Variants in SLC20A2 observed in about 807,000 individuals in gnomAD.
The protein encoded by SLC20A2 is solute carrier family 20 member 2, also known as sodium-dependent phosphate transporter 2.
Under a neutral mutation model 61.0 loss-of-function variants are expected in SLC20A2, and 30 were observed. The observed-to-expected ratio is 0.49, with a 90% CI of 0.37 to 0.67. The LOEUF (loss-of-function observed/expected upper bound fraction) is 0.67, where lower values mean the gene tolerates loss of function less well. SLC20A2 is among the 30% of genes least tolerant of loss of function. The pLI, the probability that SLC20A2 is intolerant of heterozygous loss-of-function variation, is 0.00. For synonymous variants in SLC20A2, 351 were observed against 353.3 expected, an observed-to-expected ratio of 0.99 and a Z score of 0.07; for missense variants, 626 against 866.4, an observed-to-expected ratio of 0.72 and a Z score of 3.48.
chr8:42,534,584 T>C (rs980829549), intron 1 of SLC20A2: 6 of 152,200 alleles, frequency 3.9e-5, no homozygotes, highest in African/African-American at 9.7e-5. Flanking sequence ...TAGGGTAGAA[T>C]GCAACTATAC....
At chr8:42,466,059 T>A in intron 2 of SLC20A2, 142 bp from the exon 3 acceptor site, 1 of 726,004 alleles carries the variant, frequency 1.4e-6, no homozygotes, top group Non-Finnish European at 2.1e-6. Context: ...CGCTACAGCC[T>A]GGACAAAAAT....
chr8:42,439,963 T>C (rs1804642068), intron 6 of SLC20A2, among the ~76,000 whole-genome samples: 1 of 151,450 alleles, frequency 6.6e-6, no homozygotes, highest in African/African-American at 2.4e-5. Context: ...CAGGCGCCTG[T>C]AATTCCAACT....
intron 1 of SLC20A2, among the ~76,000 whole-genome samples, chr8:42,499,457 A>G (rs970390070): frequency 1.3e-5 from 2 of 152,150 alleles, no homozygotes; most frequent in African/African-American, 4.8e-5. Flanking sequence ...AACACTCCTC[A>G]AGTGTTTATG....
intron 1 of SLC20A2, among the ~76,000 whole-genome samples, chr8:42,512,860 T>G (rs1811107227): frequency 6.6e-6 from 1 of 152,220 alleles, no homozygotes; most frequent in African/African-American, 2.4e-5. Flanking sequence ...AACATCAGAT[T>G]AGTAGTCACT....
intron 1 of SLC20A2, among the ~76,000 whole-genome samples, chr8:42,488,378 C>T (rs1046660978): frequency 3.3e-5 from 5 of 151,564 alleles, no homozygotes; most frequent in African/African-American, 7.3e-5. Context: ...TTAGTAGAGA[C>T]GGGGTTTCAG....
At chr8:42,422,348 C>CAGGCACG (rs1383723193) in intron 10 of SLC20A2, among the ~76,000 whole-genome samples, 14 of 152,206 alleles carry the variant, frequency 9.2e-5, no homozygotes, top group Non-Finnish European at 1.5e-4. Flanking sequence ...CCACCATGCC[C>CAGGCACG]AGCCAAATAT....
At chr8:42,477,467 T>C (rs1374390049) in intron 1 of SLC20A2, among the ~76,000 whole-genome samples, 5 of 136,740 alleles carry the variant, frequency 3.7e-5, no homozygotes, top group Non-Finnish European at 6.3e-5. Flanking sequence ...ACAGGGACTT[T>C]TTTTTTTTTT....
chr8:42,531,867 G>A (rs1812347355), intron 1 of SLC20A2, among the ~76,000 whole-genome samples: 1 of 150,086 alleles, frequency 6.7e-6, no homozygotes, highest in Non-Finnish European at 1.5e-5. Context: ...CACCCAGGCT[G>A]GAGTGCAGTG....
At chr8:42,491,670 CA>C (rs955300438) in intron 1 of SLC20A2, among the ~76,000 whole-genome samples, 117 of 142,248 alleles carry the variant, frequency 8.2e-4, no homozygotes, top group Admixed American at 7.7e-4. Flanking sequence ...GACTCCATCT[CA>C]AAAAAAAAAA....
At chr8:42,443,264 G>GTTTTATATATAT (rs1187147221) in intron 6 of SLC20A2, among the ~76,000 whole-genome samples, 9 of 105,480 alleles carry the variant, frequency 8.5e-5, no homozygotes, top group African/African-American at 3.1e-4. Flanking sequence ...ATTATTATAG[G>GTTTTATATATAT]ATATATATAT....
intron 1 of SLC20A2, among the ~76,000 whole-genome samples, chr8:42,494,160 C>T (rs1189921681): frequency 6.6e-6 from 1 of 151,956 alleles, no homozygotes; most frequent in Admixed American, 6.6e-5. Flanking sequence ...ATAATATGTG[C>T]TCATAACAAA....
intron 1 of SLC20A2, among the ~76,000 whole-genome samples, chr8:42,537,370 C>CA (rs34392956): frequency 0.055 from 4,765 of 85,934 alleles, 271 homozygotes; most frequent in African/African-American, 0.15. Flanking sequence ...GACCCTGTCT[C>CA]AAAAAAAAAA....
chr8:42,470,162 A>G (rs572817429), intron 2 of SLC20A2, among the ~76,000 whole-genome samples: 2 of 152,170 alleles, frequency 1.3e-5, no homozygotes, highest in African/African-American at 4.8e-5. Flanking sequence ...CCATGAAGGT[A>G]AGTAAAATTC....
At chr8:42,498,098 T>A (rs1810061590) in intron 1 of SLC20A2, among the ~76,000 whole-genome samples, 1 of 152,202 alleles carries the variant, frequency 6.6e-6, no homozygotes. Context: ...ACTCCAGATT[T>A]CTATCTAAAT....
rs190633452 is a variant in SLC20A2, at chr8:42,511,813, A to C, written c.-265+30008T>G. 4.3e-3 allele frequency among the ~76,000 whole-genome samples: 661 copies of C among 152,280 alleles called. 4 individuals carry two copies. Among genetic ancestry groups the C allele is most frequent in the Non-Finnish European group, 5.5e-3 (374 of 68,016 alleles). ...TTAGGTACTAAGTATTTCATTTAAA[A>C]AGTACTAAAAAAATGAGTGTTCGTT... On this transcript the variant is annotated intron_variant, in intron 1 of 10. Transcript: ENST00000342228.
chr8:42,538,355 T>C (rs1413641990), intron 1 of SLC20A2: 1 of 151,658 alleles, frequency 6.6e-6, no homozygotes, highest in East Asian at 1.9e-4. Context: ...AGAGCTTATA[T>C]TTTGGGTGAG....
chr8:42,540,735 A>G (rs1813055159), intron 1 of SLC20A2, among the ~76,000 whole-genome samples: 1 of 152,226 alleles, frequency 6.6e-6, no homozygotes, highest in Non-Finnish European at 1.5e-5. Flanking sequence ...CAAAATGTAT[A>G]GTAAAGACGA....
At chr8:42,527,648 G>A (rs910673293) in intron 1 of SLC20A2, among the ~76,000 whole-genome samples, 2 of 151,846 alleles carry the variant, frequency 1.3e-5, no homozygotes, top group East Asian at 2.0e-4. Flanking sequence ...CATGCCTGTA[G>A]TCCCAGCTAC....
At chr8:42,475,717 G>A (rs1395797071) in intron 1 of SLC20A2, among the ~76,000 whole-genome samples, 1 of 151,804 alleles carries the variant, frequency 6.6e-6, no homozygotes, top group Non-Finnish European at 1.5e-5. Context: ...GGGCCCAGAA[G>A]ATCCTTCTGG....
Sources: allele counts gnomAD v4.1 joint callset (sites outside exome capture counted in the v4.1 genomes callset), GRCh38; gene constraint gnomAD v4.1.1; transcripts MANE v1.5; gene names NCBI Gene and HGNC (gene_info 2026-07-23, HGNC 2026-07-21).